The following LETM2 variants were observed in gnomAD, a reference collection of about 807,000 sequenced individuals.
LETM2 encodes the protein leucine zipper and EF-hand containing transmembrane protein 2.
LETM2 carries 58 observed loss-of-function variants against 59.6 expected under a neutral mutation model. The observed-to-expected ratio is 0.97, with a 90% CI of 0.79 to 1.21. The LOEUF is 1.21. Ranked by LOEUF, LETM2 falls within the 50% of genes most tolerant of loss-of-function variation. LETM2 has a pLI of 0.00. For synonymous variants in LETM2, 199 were observed against 214.1 expected (o/e 0.93, Z 0.62); for missense variants, 572 against 575.7 (o/e 0.99, Z 0.07).
chr8:38,408,375 G>A lies in LETM2; in HGVS notation c.*101G>A, dbSNP rs988805833. ...ATAAGACTGTCTGGCTTCAGAGAGC[G>A]GATCAGCTGTTTAGCCCGTGGGGCA... is the stretch of plus-strand genomic sequence containing the variant. On this transcript the variant is annotated 3_prime_UTR_variant, in exon 11 of 11. Coordinates refer to ENST00000379957, the MANE Select transcript of LETM2 (RefSeq NM_001286819.2). 2.1e-5 allele frequency: 22 copies of A among 1,047,722 alleles called. No homozygotes were observed. The highest frequency in any genetic ancestry group is 2.3e-4 in the Middle Eastern group (1 of 4,430). The allele number at this position is 1,047,722 out of a possible 1,614,324, so 64.9% of individuals were successfully genotyped here. A position where few individuals can be genotyped will look rare whatever the true frequency, so the allele number is the denominator to read the frequency against.
At chr8:38,391,042 T>C (rs1812200319) in intron 2 of LETM2, among the ~76,000 whole-genome samples, 1 of 151,782 alleles carries the variant, frequency 6.6e-6, no homozygotes, top group Admixed American at 6.6e-5. Context: ...TAATGAATAT[T>C]GCATATGCAT....
intron 4 of LETM2, among the ~76,000 whole-genome samples, chr8:38,395,640 C>T (rs960880816): frequency 2.0e-5 from 3 of 151,972 alleles, no homozygotes; most frequent in East Asian, 1.9e-4. Context: ...CTCAGCCTCC[C>T]GAGTAGCTAG....
At chr8:38,382,757 C>G (rs1306120972), upstream of LETM2, 2 of 152,380 alleles carry the variant, frequency 1.3e-5, no homozygotes, top group Non-Finnish European at 2.9e-5. This position sits in a 1 kb window ranked among gnomAD's most constrained non-coding sequence, Gnocchi z 4.2. Flanking sequence ...ACCCCTCGGC[C>G]GTCTCCCGTC....
At chr8:38,385,254 G>A (rs545740465), upstream of LETM2, among the ~76,000 whole-genome samples, 10 of 152,240 alleles carry the variant, frequency 6.6e-5, no homozygotes, top group East Asian at 3.9e-4. Flanking sequence ...TTTTACTGAC[G>A]TTTAATACCG....
chr8:38,388,776 T>C (rs898658027), intron 2 of LETM2, among the ~76,000 whole-genome samples: 2 of 151,804 alleles, frequency 1.3e-5, no homozygotes, highest in African/African-American at 4.8e-5. Context: ...TTTTGTTTTC[T>C]TTTTTGGGAC....
In LETM2 at chr8:38,406,992, C is replaced by A. The variant is rs748892988; in HGVS notation, c.1265C>A (p.Ser422Tyr). The change falls in exon 9 of 11, where the codon TCT becomes TAT. Residue 422 changes from serine to tyrosine, a missense_variant. Coordinates refer to ENST00000379957, the MANE Select transcript of LETM2 (RefSeq NM_001286819.2). ...GTGGAATTACCTACTTTCACTGAATCTAAAGAGAACATGGTGGATCTTGCA... is the reference window on the plus strand; with the variant it reads ...GTGGAATTACCTACTTTCACTGAATATAAAGAGAACATGGTGGATCTTGCA... The part of the protein sequence containing the change: ...ILVELPTFTE[S>Y]KENMVDLAPQ... 2 of 1,612,124 alleles carry A rather than the reference C, an allele frequency of 1.2e-6. No homozygotes were observed. The highest frequency in any genetic ancestry group is 2.7e-5 in the African/African-American group (2 of 74,870).
In LETM2 at chr8:38,400,336, T is replaced by C. The variant is rs968827885; in HGVS notation, c.710T>C (p.Met237Thr). 1 of 1,613,528 alleles carries C rather than the reference T, an allele frequency of 6.2e-7. No individual in the cohort carries two copies. The highest frequency in any genetic ancestry group is 8.5e-7 in the Non-Finnish European group (1 of 1,179,738). The change falls in exon 5 of 11, where the codon ATG (methionine) becomes ACG (threonine). Residue 237 changes from methionine (M) to threonine (T), a missense_variant. Coordinates refer to ENST00000379957, the MANE Select transcript of LETM2 (RefSeq NM_001286819.2). The part of the protein sequence containing the change: ...LELAKFLQET[M>T]TEMARRNRAK... The stretch of plus-strand genomic sequence containing the variant: ...CTAGCAAAATTTCTTCAAGAAACCA[T>C]GACAGAAATGGCAAGGAGGAACAGA...
chr8:38,400,594 TTAAAG>T (rs1386213355), intron 5 of LETM2, 185 bp downstream of exon 5: 17 of 687,848 alleles, frequency 2.5e-5, no homozygotes, highest in Non-Finnish European at 3.9e-5. Flanking sequence ...AAAGCCTGTC[TTAAAG>T]TAATCAACGT....
At chr8:38,403,210 T>C (rs1334824683) in intron 7 of LETM2, among the ~76,000 whole-genome samples, 1 of 152,204 alleles carries the variant, frequency 6.6e-6, no homozygotes, top group African/African-American at 2.4e-5. Flanking sequence ...GTGAGGCCCA[T>C]CCAAAGAATC....
intron 4 of LETM2, among the ~76,000 whole-genome samples, chr8:38,398,512 T>C (rs2150432179): frequency 6.6e-6 from 1 of 152,310 alleles, no homozygotes; most frequent in Admixed American, 6.5e-5. Flanking sequence ...TTACCCATTA[T>C]GCTTCTATAT....
At chr8:38,395,815 C>T (rs886448780) in intron 4 of LETM2, among the ~76,000 whole-genome samples, 1 of 152,144 alleles carries the variant, frequency 6.6e-6, no homozygotes, top group African/African-American at 2.4e-5. Context: ...TGCATCCAGC[C>T]CTTCGGTTGA....
intron 2 of LETM2, 111 bp from the exon 3 acceptor site, chr8:38,392,431 T>C (rs1261975117): frequency 2.6e-6 from 2 of 767,006 alleles, no homozygotes; most frequent in South Asian, 1.8e-5. Context: ...AAAAAAGCTG[T>C]TTTATTTTGA....
At chr8:38,408,036 C>T in intron 10 of LETM2, 176 bp from the exon 11 acceptor site, 1 of 561,754 alleles carries the variant, frequency 1.8e-6, no homozygotes, top group East Asian at 3.1e-5. Context: ...CATCCCAAGG[C>T]ACACACATAC....
chr8:38,393,186 A>G, intron 3 of LETM2, 191 bp downstream of exon 3: 1 of 569,116 alleles, frequency 1.8e-6, no homozygotes, highest in Non-Finnish European at 3.1e-6. Context: ...GAAATTTGTT[A>G]TATATTTTCC....
At chr8:38,389,569 T>C (rs1812047487) in intron 2 of LETM2, among the ~76,000 whole-genome samples, 1 of 152,146 alleles carries the variant, frequency 6.6e-6, no homozygotes, top group South Asian at 2.1e-4. Context: ...CACTTACTTT[T>C]CCCTTTTTGG....
At chr8:38,388,082 T>C in intron 2 of LETM2, 52 bp downstream of exon 2, 1 of 261,832 alleles carries the variant, frequency 3.8e-6, no homozygotes, top group Non-Finnish European at 4.7e-6. Context: ...TTCTTCTTCT[T>C]TTTTTTTTTT....
intron 2 of LETM2, 72 bp downstream of exon 2, chr8:38,388,102 A>G (rs1326302679): frequency 2.1e-4 from 213 of 998,346 alleles, no homozygotes; most frequent in Non-Finnish European, 2.6e-4. Flanking sequence ...TTTTTCTGAG[A>G]TGGAGTCGCA....
intron 4 of LETM2, among the ~76,000 whole-genome samples, chr8:38,398,390 T>C (rs2150431804): frequency 6.6e-6 from 1 of 152,368 alleles, no homozygotes. Flanking sequence ...CATACAAATA[T>C]GTCTACATCA....
upstream of LETM2, among the ~76,000 whole-genome samples, chr8:38,385,618 T>C (rs1257960493): frequency 2.6e-5 from 4 of 152,300 alleles, no homozygotes; most frequent in Non-Finnish European, 2.9e-5. Flanking sequence ...AGATGTTTTC[T>C]GTCTCCTGAC....
Sources: gnomAD v4.1 joint callset for allele counts (sites outside exome capture counted in the v4.1 genomes callset) on GRCh38, gnomAD v4.1.1 for gene constraint, Gnocchi (gnomAD v3.1) non-coding constraint, MANE v1.5 for transcripts, NCBI Gene and HGNC (gene_info 2026-07-23, HGNC 2026-07-21) for gene names.